Variants in NLRP3 observed in about 807,000 individuals in gnomAD.
NLRP3 encodes NACHT, LRR and PYD domains-containing protein 3.
NLRP3 carries 48 observed loss-of-function variants against 91.3 expected under a neutral mutation model. The observed-to-expected ratio is 0.53, with a 90% CI of 0.42 to 0.67. The LOEUF is 0.67. Among genes scored for constraint, NLRP3 ranks in the 30% least tolerant of loss-of-function variants. NLRP3 has a pLI of 0.00. For synonymous variants in NLRP3, 561 were observed against 507.9 expected (o/e 1.10, Z -1.41); for missense variants, 982 against 1,276.9 (o/e 0.77, Z 3.52).
intron 7 of NLRP3, among the ~76,000 whole-genome samples, chr1:247,441,145 T>TTCTC (rs1205346953): frequency 2.3e-5 from 3 of 128,234 alleles, no homozygotes; most frequent in Admixed American, 1.5e-4. Context: ...CTTTCTTTCT[T>TTCTC]TCTCTCTCTC....
At chr1:247,429,297 G>A (rs1184366855) in intron 4 of NLRP3, among the ~76,000 whole-genome samples, 1 of 152,162 alleles carries the variant, frequency 6.6e-6, no homozygotes, top group East Asian at 1.9e-4. Context: ...TGTTGGGACA[G>A]TGGACTGGTA....
At chr1:247,438,731 G>T (rs1412550396) in intron 7 of NLRP3, among the ~76,000 whole-genome samples, 3 of 152,136 alleles carry the variant, frequency 2.0e-5, no homozygotes, top group Admixed American at 2.0e-4. Flanking sequence ...TAAACTCCCT[G>T]AGAATTCTCA....
chr1:247,427,058 C>T (rs373193041), intron 4 of NLRP3, among the ~76,000 whole-genome samples: 12 of 152,286 alleles, frequency 7.9e-5, no homozygotes, highest in East Asian at 3.9e-4. Flanking sequence ...GTTCACCTTA[C>T]GGTTCTGGAG....
intron 2 of NLRP3, among the ~76,000 whole-genome samples, chr1:247,419,708 A>G (rs79796552): frequency 0.089 from 13,592 of 152,228 alleles, 954 homozygotes; most frequent in African/African-American, 0.19. Context: ...TTCACTCAGC[A>G]TAATGTCCTC....
In NLRP3 at chr1:247,444,516, T is replaced by C. The variant is rs1664464748; in HGVS notation, c.2835-135T>C. 1.9e-5 allele frequency: 17 copies of C among 878,508 alleles called. No homozygotes were observed. The South Asian group carries it at 2.1e-4, about 11-fold the overall frequency. 54.4% of individuals were successfully genotyped at this position (878,508 alleles called of 1,614,324 possible). Reference sequence around the variant, plus strand: ...AATAATTACCAGCATACAAGGCTGCTTGAAGCTAGTTAGTCCTGTGCTCCT... The same window carrying C: ...AATAATTACCAGCATACAAGGCTGCCTGAAGCTAGTTAGTCCTGTGCTCCT... On this transcript the variant is annotated intron_variant, in intron 8 of 9. Coordinates refer to ENST00000336119, the MANE Select transcript of NLRP3 (RefSeq NM_001243133.2).
chr1:247,429,443 A>G, intron 4 of NLRP3, 142 bp from the exon 5 acceptor site: 4 of 871,568 alleles, frequency 4.6e-6, no homozygotes, highest in Non-Finnish European at 5.8e-6. Context: ...TTTCTCTGGG[A>G]ACAATTTTTG....
chr1:247,424,340 C>T lies in NLRP3; in HGVS notation c.891C>T (p.Phe297=), dbSNP rs1662699265. The change falls in exon 4 of 10, where the codon TTC becomes TTT. Residue 297 remains phenylalanine (F), a synonymous_variant. Transcript: ENST00000336119. This position sits in a 1 kb window ranked among gnomAD's most constrained non-coding sequence, Gnocchi z 8.1. ...TGAGAAAACCCTCCAGAATCCTCTT[C>T]CTCATGGACGGCTTCGATGAGCTGC... ...KIVRKPSRIL[F]LMDGFDELQG... 1 of 1,610,412 alleles carries T rather than the reference C, an allele frequency of 6.2e-7. No homozygotes were observed. Among genetic ancestry groups the T allele is most frequent in the Admixed American group, 1.7e-5 (1 of 59,928 alleles).
At chr1:247,427,522 C>T (rs1430546566) in intron 4 of NLRP3, among the ~76,000 whole-genome samples, 1 of 152,234 alleles carries the variant, frequency 6.6e-6, no homozygotes, top group Admixed American at 6.5e-5. Flanking sequence ...CACCTTCCTT[C>T]CTCTGAGGAC....
chr1:247,423,176 T>C (rs1662589115), intron 2 of NLRP3, 54 bp from the exon 3 acceptor site: 13 of 1,612,340 alleles, frequency 8.1e-6, no homozygotes, highest in Non-Finnish European at 1.1e-5. Context: ...AGGTTTCAAT[T>C]GCATCCTCTG....
chr1:247,442,763 T>C (rs186857829), intron 7 of NLRP3, among the ~76,000 whole-genome samples: 2 of 152,168 alleles, frequency 1.3e-5, no homozygotes, highest in East Asian at 1.9e-4. Flanking sequence ...CAGGTTGATA[T>C]AATAATCAAA....
rs1176034261 is a variant in NLRP3 at position 247,432,855 on chromosome 1, CGT to C, written c.2322-1241_2322-1240del. The stretch of plus-strand genomic sequence containing the variant: ...TGGTGGTGACGGTGGTAGTGATGTG[CGT>C]GTGTGTTTGTGTGCATGTGTGTGAC... On this transcript the variant is annotated intron_variant, in intron 5 of 9. Transcript: ENST00000336119. Among the ~76,000 whole-genome samples the C allele has an allele frequency of 3.6e-4, 55 of 151,500 alleles. 1 individual carries two copies. Among genetic ancestry groups the C allele is most frequent in the Admixed American group, 3.6e-3 (55 of 15,184 alleles).
At position 247,423,332 on chromosome 1, in the gene NLRP3, T is replaced by C. The variant is rs747373378; in HGVS notation, c.380T>C (p.Ile127Thr). The stretch of plus-strand genomic sequence containing the variant: ...CTGGAGTACCTTTCGAGAATCTCTA[T>C]TTGTAAAATGAAGAAAGGTAAGCGA... ...GLLEYLSRIS[I>T]CKMKKDYRKK... The change falls in exon 3 of 10, where the codon ATT (isoleucine) becomes ACT (threonine). Residue 127 changes from isoleucine to threonine, a missense_variant. Coordinates refer to ENST00000336119, the MANE Select transcript of NLRP3 (RefSeq NM_001243133.2). 1.2e-6 allele frequency: 2 copies of C among 1,614,058 alleles called. No individual in the cohort carries two copies. The highest frequency in any genetic ancestry group is 1.6e-4 in the Middle Eastern group (1 of 6,062).
At position 247,432,842 on chromosome 1, in the gene NLRP3, TG is replaced by T. The variant is rs1303155016; in HGVS notation, c.2322-1259del. 2.6e-5 allele frequency among the ~76,000 whole-genome samples: 4 copies of T among 151,706 alleles called. No individual in the cohort carries two copies. In the East Asian group the frequency reaches 5.8e-4, roughly 22 times the overall value. On this transcript the variant is annotated intron_variant, in intron 5 of 9. Transcript: ENST00000336119. Reference sequence around the variant, plus strand: ...TTGTTGCTGGTGGTGGTGGTGACGGTGGTAGTGATGTGCGTGTGTGTTTGTG... The same window carrying T: ...TTGTTGCTGGTGGTGGTGGTGACGGTGTAGTGATGTGCGTGTGTGTTTGTG...
intron 7 of NLRP3, among the ~76,000 whole-genome samples, chr1:247,440,235 G>A (rs186179035): frequency 1.3e-5 from 2 of 152,302 alleles, no homozygotes; most frequent in African/African-American, 4.8e-5. Context: ...CACACATGCT[G>A]AGCATTTGCA....
rs1366541794 is a variant in NLRP3, at chr1:247,418,969, A to G, written c.169A>G (p.Ile57Val). ...CCATGTGGATCTAGCCACGCTAATG[A>G]TCGACTTCAATGGGGAGGAGAAGGC... Reference protein sequence around the residue: ...ADHVDLATLMIDFNGEEKAWA... With the variant: ...ADHVDLATLMVDFNGEEKAWA... The change falls in exon 2 of 10, where the codon ATC (isoleucine) becomes GTC (valine). Residue 57 changes from isoleucine (I) to valine (V), a missense_variant. Ile to Val is a conservative substitution (Grantham distance 29). Transcript: ENST00000336119. The G allele has an allele frequency of 6.2e-7, 1 of 1,614,002 alleles. No individual in the cohort carries two copies. Among genetic ancestry groups the G allele is most frequent in the African/African-American group, 1.3e-5 (1 of 74,904 alleles).
At position 247,425,932 on chromosome 1, in the gene NLRP3, T is replaced by A. The variant is rs1331098753; in HGVS notation, c.2150+333T>A. The A allele has an allele frequency of 5.5e-6, 2 of 365,686 alleles. No homozygotes were observed. The highest frequency in any genetic ancestry group is 7.8e-5 in the Admixed American group (2 of 25,706). The allele number at this position is 365,686 out of a possible 1,614,324, so 22.7% of individuals were successfully genotyped here. ...TACTTGGAGCACTAGTGCCTAAGAG[T>A]CAGTCAATGTCTGTGGGGCAGAACA... On this transcript the variant is annotated intron_variant, in intron 4 of 9. Coordinates refer to ENST00000336119, the MANE Select transcript of NLRP3 (RefSeq NM_001243133.2). This position sits in a 1 kb window ranked among gnomAD's most constrained non-coding sequence, Gnocchi z 4.1.
Position 247,444,063 on chromosome 1 carries a change from G to C in NLRP3, c.2755G>C (p.Gly919Arg). Residue 919 changes from glycine (G) to arginine (R), a missense_variant, in exon 8 of 10, where the codon GGC becomes CGC. Around this residue, in one of 5 missense-constraint regions of NLRP3, gnomAD observed 373 missense variants for 431.5 expected, o/e 0.86. Coordinates refer to ENST00000336119, the MANE Select transcript of NLRP3 (RefSeq NM_001243133.2). The stretch of plus-strand genomic sequence containing the variant: ...GAATCTCACGCACCTTTACCTGCGA[G>C]GCAACACTCTCGGAGACAAGGGGAT... ...NQNLTHLYLR[G>R]NTLGDKGIKL... The C allele has an allele frequency of 6.2e-7, 1 of 1,614,160 alleles. No homozygotes were observed.
Position 247,424,393 on chromosome 1 carries a change from C to T in NLRP3, c.944C>T (p.Pro315Leu), listed in dbSNP as rs180177462. ...LQGAFDEHIG[P>L]LCTDWQKAER... Reference sequence around the variant, plus strand: ...GGTGCCTTTGACGAGCACATAGGACCGCTCTGCACTGACTGGCAGAAGGCC... The same window carrying T: ...GGTGCCTTTGACGAGCACATAGGACTGCTCTGCACTGACTGGCAGAAGGCC... The change falls in exon 4 of 10, where the codon CCG becomes CTG. Residue 315 changes from proline to leucine, a missense_variant. Physicochemically the swap from Pro to Leu is moderately conservative, Grantham distance 98. Transcript: ENST00000336119. The surrounding 1 kb of genome is among the most constrained non-coding windows in gnomAD (Gnocchi z 8.1). 8.9e-5 allele frequency: 143 copies of T among 1,614,122 alleles called. 1 individual carries two copies. Among genetic ancestry groups the T allele is most frequent in the South Asian group, 7.7e-4 (70 of 91,084 alleles).
At chr1:247,426,118 G>A (rs1187017547) in intron 4 of NLRP3, among the ~76,000 whole-genome samples, 4 of 152,184 alleles carry the variant, frequency 2.6e-5, no homozygotes, top group Non-Finnish European at 5.9e-5. Flanking sequence ...CTGAAGACTG[G>A]TATGAGCCAA....
Sources: gnomAD v4.1 joint callset for allele counts (sites outside exome capture counted in the v4.1 genomes callset) on GRCh38, gnomAD v4.1.1 for gene constraint, gnomAD v4.1.1 regional missense constraint, Gnocchi (gnomAD v3.1) non-coding constraint, MANE v1.5 for transcripts, NCBI Gene and HGNC (gene_info 2026-07-23, HGNC 2026-07-21) for gene names.